Variants in PDZD7 observed in about 807,000 individuals in gnomAD.
The protein encoded by PDZD7 is PDZ domain containing 7, also known as PDZ domain-containing protein 7.
Under a neutral mutation model 84.7 loss-of-function variants are expected in PDZD7, and 72 were observed. The ratio of observed to expected loss-of-function variants is 0.85; its 90% CI spans 0.70 to 1.03. The LOEUF (loss-of-function observed/expected upper bound fraction) is 1.03, where lower values mean the gene tolerates loss of function less well. PDZD7 is among the 50% of genes least tolerant of loss of function. The probability of loss-of-function intolerance (pLI) is 0.00; values close to 1 mark genes in which losing one functional copy is unlikely to be tolerated. For missense variants in PDZD7, 1,490 were observed against 1,412.9 expected (o/e 1.05, Z -0.87); for synonymous variants, 594 against 580.7 (o/e 1.02, Z -0.33).
chr10:101,017,738 A>T, intron 9 of PDZD7: 1 of 614,454 alleles, frequency 1.6e-6, no homozygotes, highest in Non-Finnish European at 2.9e-6. Flanking sequence ...GTGAGCTGAG[A>T]TGGTGCCATT....
At position 101,018,085 on chromosome 10, in the gene PDZD7, A is replaced by T; in HGVS notation, c.1522+14T>A. ...CTTCACTTTGCCTTCCTGTTTGATC[A>T]GCCCACTACTTACCTTTCTCTATGT... On this transcript the variant is annotated intron_variant, in intron 9 of 16. Coordinates refer to ENST00000619208, the MANE Select transcript of PDZD7 (RefSeq NM_001195263.2). 3 of 1,614,150 alleles carry T rather than the reference A, an allele frequency of 1.9e-6. No individual in the cohort carries two copies. The highest frequency in any genetic ancestry group is 2.5e-6 in the Non-Finnish European group (3 of 1,180,006).
intron 3 of PDZD7, 59 bp from the exon 4 acceptor site, chr10:101,023,669 C>A: frequency 1.3e-6 from 2 of 1,587,110 alleles, no homozygotes; most frequent in South Asian, 2.2e-5. Context: ...GAGCCTCCCC[C>A]ATCAGATGGA....
intron 15 of PDZD7, among the ~76,000 whole-genome samples, chr10:101,009,902 C>T (rs1019957548): frequency 1.3e-5 from 2 of 150,180 alleles, no homozygotes; most frequent in Admixed American, 1.3e-4. Context: ...CCACCGCGCC[C>T]GGCTGAGACA....
In PDZD7 at chr10:101,010,597, G is replaced by C. The variant is rs1214605162; in HGVS notation, c.2292C>G (p.Ser764Arg). 1 of 1,510,164 alleles carries C rather than the reference G, an allele frequency of 6.6e-7. No homozygotes were observed. Among genetic ancestry groups the C allele is most frequent in the South Asian group, 1.2e-5 (1 of 80,176 alleles). The allele number at this position is 1,510,164 out of a possible 1,614,324, so 93.5% of individuals were successfully genotyped here. A position where few individuals can be genotyped will look rare whatever the true frequency, so the allele number is the denominator to read the frequency against. The change falls in exon 15 of 17, where the codon AGC becomes AGG. Residue 764 changes from serine (S) to arginine (R), a missense_variant. By Grantham distance (110) the Ser-to-Arg change is moderately radical (BLOSUM62 -1). Coordinates refer to ENST00000619208, the MANE Select transcript of PDZD7 (RefSeq NM_001195263.2). ...EPLSREHPPQ[S>R]QIRGRAQSRS... ...GGCTCTGAGCCCGGCCCCGGATCTGGCTCTGCGGAGGGTGCTCTCGGCTCA... is the reference window on the plus strand; with the variant it reads ...GGCTCTGAGCCCGGCCCCGGATCTGCCTCTGCGGAGGGTGCTCTCGGCTCA...
Position 101,021,921 on chromosome 10 carries a change from C to A in PDZD7, c.744G>T (p.Glu248Asp). The change falls in exon 6 of 17, where the codon GAG becomes GAT. Residue 248 changes from glutamate (E) to aspartate (D), a missense_variant. Glu to Asp is a conservative substitution (Grantham distance 45). Transcript: ENST00000619208. ...GGTCCCCCACCTTGATGCCATTCTC[C>A]TCGGCCAGCCCACCATGGTCCACTC... is the stretch of plus-strand genomic sequence containing the variant. ...VSKVDHGGLA[E>D]ENGIKVGDQV... 1 of 1,614,148 alleles carries A rather than the reference C, an allele frequency of 6.2e-7. No individual in the cohort carries two copies. Among genetic ancestry groups the A allele is most frequent in the Non-Finnish European group, 8.5e-7 (1 of 1,180,024 alleles).
chr10:101,026,223 C>T (rs1036974814), intron 2 of PDZD7, among the ~76,000 whole-genome samples: 7 of 151,956 alleles, frequency 4.6e-5, no homozygotes, highest in Non-Finnish European at 4.4e-5. Flanking sequence ...CAACCTCCAC[C>T]TCCTGGGTTC....
Position 101,010,396 on chromosome 10 carries a change from G to A in PDZD7, c.2493C>T (p.Ala831=), listed in dbSNP as rs1481156382. The A allele has an allele frequency of 6.5e-7, 1 of 1,536,150 alleles. No individual in the cohort carries two copies. Among genetic ancestry groups the A allele is most frequent in the South Asian group, 1.2e-5 (1 of 84,064 alleles). ...PLPRPLDGEA[A]KVGAKQGPSE... ...AGGGCCCTTGCTTGGCCCCCACCTT[G>A]GCTGCCTCCCCATCCAGAGGTCGTG... The change falls in exon 15 of 17, where the codon GCC becomes GCT. Residue 831 remains alanine (A), a synonymous_variant. Transcript: ENST00000619208.
chr10:101,030,606 C>G (rs1465374450), intron 1 of PDZD7: 1 of 394,042 alleles, frequency 2.5e-6, no homozygotes, highest in African/African-American at 2.1e-5. Context: ...CATTCCTGCT[C>G]GGGGCTGAGT....
At chr10:101,019,540 C>T (rs1852932544) in intron 7 of PDZD7, among the ~76,000 whole-genome samples, 1 of 146,306 alleles carries the variant, frequency 6.8e-6, no homozygotes, top group African/African-American at 2.6e-5. Flanking sequence ...GCTTCTGCTT[C>T]TGCCTCCTCC....
chr10:101,018,263 C>T lies in PDZD7; in HGVS notation c.1358G>A (p.Gly453Glu). Residue 453 changes from glycine to glutamate, a missense_variant, in exon 9 of 17, where the codon GGG becomes GAG. Physicochemically the swap from Gly to Glu is moderately conservative, Grantham distance 98. Coordinates refer to ENST00000619208, the MANE Select transcript of PDZD7 (RefSeq NM_001195263.2). ...CAGGGCACCCTTCTCCCCAGGGGAC[C>T]CCGACTTCTCCTTCTTCCGCTGCTG... ...EKQQRKKEKS[G>E]SPGEKGALQR... 6.2e-7 allele frequency: 1 copy of T among 1,613,962 alleles called. No homozygotes were observed. Among genetic ancestry groups the T allele is most frequent in the African/African-American group, 1.3e-5 (1 of 75,018 alleles).
At chr10:101,024,602 G>T (rs1244584577) in intron 2 of PDZD7, among the ~76,000 whole-genome samples, 2 of 151,860 alleles carry the variant, frequency 1.3e-5, no homozygotes, top group African/African-American at 4.8e-5. Context: ...AGATCAGCGG[G>T]ACAGGACTCT....
chr10:101,022,596 C>CTT (rs1315085387), intron 4 of PDZD7, among the ~76,000 whole-genome samples: 7 of 140,928 alleles, frequency 5.0e-5, no homozygotes, highest in Non-Finnish European at 9.4e-5. Context: ...AGGACCATTC[C>CTT]TTTTTTTTTT....
At chr10:101,028,611 A>T (rs1937860961) in intron 2 of PDZD7, among the ~76,000 whole-genome samples, 1 of 152,106 alleles carries the variant, frequency 6.6e-6, no homozygotes, top group Non-Finnish European at 1.5e-5. Flanking sequence ...TTAAAAAAAA[A>T]AAAAAAGACG....
rs1256494174 is a variant in PDZD7, at chr10:101,010,742, G to A, written c.2147C>T (p.Pro716Leu). ...GGCATCTACTGGCACGTCTTGTAGAGGGGGGATCCCTTTATGGGGGTGGCG... is the reference window on the plus strand; with the variant it reads ...GGCATCTACTGGCACGTCTTGTAGAAGGGGGATCCCTTTATGGGGGTGGCG... ...APRHPHKGIP[P>L]LQDVPVDAFT... Residue 716 changes from proline to leucine, a missense_variant, in exon 15 of 17, where the codon CCT becomes CTT. Coordinates refer to ENST00000619208, the MANE Select transcript of PDZD7 (RefSeq NM_001195263.2). The A allele has an allele frequency of 1.3e-5, 19 of 1,468,140 alleles. No individual in the cohort carries two copies. Among genetic ancestry groups the A allele is most frequent in the Non-Finnish European group, 1.7e-5 (19 of 1,104,084 alleles). 90.9% of individuals were successfully genotyped at this position (1,468,140 alleles called of 1,614,324 possible).
Position 101,010,871 on chromosome 10 carries a change from C to T in PDZD7, c.2018G>A (p.Gly673Asp). Reference protein sequence around the residue: ...LITPVPDSRGGFYLLPVNGFP... With the variant: ...LITPVPDSRGDFYLLPVNGFP... ...GCCGTTCACCGGCAGCAGGTAGAAG[C>T]CTCCGCGGCTGTCTGGGGAAGAGCG... Residue 673 changes from glycine to aspartate, a missense_variant, in exon 15 of 17, where the codon GGC (glycine) becomes GAC (aspartate). Transcript: ENST00000619208. The T allele has an allele frequency of 1.3e-6, 2 of 1,533,940 alleles. No homozygotes were observed. Among genetic ancestry groups the T allele is most frequent in the Non-Finnish European group, 1.7e-6 (2 of 1,146,818 alleles).
In PDZD7 at chr10:101,017,837, AGG is replaced by A. The variant is rs1491460145; in HGVS notation, c.1522+260_1522+261del. ...AGAAAGGAAAGAAAGGAAGGAAGGAAGGAAAGAAAGAAAGAAAGAAAGAAAGA... is the reference window on the plus strand; with the variant it reads ...AGAAAGGAAAGAAAGGAAGGAAGGAAAAAGAAAGAAAGAAAGAAAGAAAGA... On this transcript the variant is annotated intron_variant, in intron 9 of 16. Coordinates refer to ENST00000619208, the MANE Select transcript of PDZD7 (RefSeq NM_001195263.2). 8.5e-4 allele frequency: 148 copies of A among 173,954 alleles called. 1 individual carries two copies. Among genetic ancestry groups the A allele is most frequent in the African/African-American group, 7.5e-3 (135 of 18,084 alleles). The allele number at this position is 173,954 out of a possible 1,614,324, so 10.8% of individuals were successfully genotyped here. A position where few individuals can be genotyped will look rare whatever the true frequency, so the allele number is the denominator to read the frequency against.
Position 101,009,256 on chromosome 10 carries a change from G to C in PDZD7, c.2712C>G (p.Ala904=). 1 of 1,535,598 alleles carries C rather than the reference G, an allele frequency of 6.5e-7. No individual in the cohort carries two copies. Among genetic ancestry groups the C allele is most frequent in the Non-Finnish European group, 8.7e-7 (1 of 1,146,506 alleles). Residue 904 remains alanine, a synonymous_variant, in exon 16 of 17, where the codon GCC becomes GCG. Transcript: ENST00000619208. ...CAGGGCATGCTTCACCCACCTGCAG[G>C]GCCCCACTGAGGAAAGCGGCCCCCC... ...FPGGAAFLSG[A]LQAGFELVAV...
At chr10:101,012,284 G>A (rs1458817874) in intron 11 of PDZD7, 26 bp from the exon 12 acceptor site, 1 of 1,530,876 alleles carries the variant, frequency 6.5e-7, no homozygotes, top group Admixed American at 2.0e-5. Context: ...GCACAGGTCA[G>A]ACAGCAGTGG....
intron 2 of PDZD7, among the ~76,000 whole-genome samples, chr10:101,026,945 G>T (rs1937748459): frequency 6.6e-6 from 1 of 151,996 alleles, no homozygotes; most frequent in African/African-American, 2.4e-5. Context: ...GCCTCCCTAG[G>T]GCCCTAGGTC....
Sources: allele counts gnomAD v4.1 joint callset (sites outside exome capture counted in the v4.1 genomes callset), GRCh38; gene constraint gnomAD v4.1.1; transcripts MANE v1.5; gene names NCBI Gene and HGNC (gene_info 2026-07-23, HGNC 2026-07-21).